The following PIAS1 variants were observed in gnomAD, a reference collection of about 807,000 sequenced individuals.
The protein encoded by PIAS1 is E3 SUMO-protein ligase PIAS1.
Under a neutral mutation model 71.3 loss-of-function variants are expected in PIAS1, and 6 were observed. That is an observed-to-expected ratio of 0.08 (90% CI 0.05 to 0.17). The LOEUF (loss-of-function observed/expected upper bound fraction) is 0.17, where lower values mean the gene tolerates loss of function less well. Among genes scored for constraint, PIAS1 ranks in the 10% least tolerant of loss-of-function variants. The pLI is 1.00. For synonymous variants in PIAS1, 303 were observed against 292.9 expected (o/e 1.03, Z -0.35); for missense variants, 555 against 793.6 (o/e 0.70, Z 3.61).
At chr15:68,098,215 C>G (rs889959775) in intron 2 of PIAS1, among the ~76,000 whole-genome samples, 4 of 152,084 alleles carry the variant, frequency 2.6e-5, no homozygotes. Flanking sequence ...AGAAGCCTTA[C>G]CAATAACATA....
chr15:68,193,162 C>T lies in PIAS1; in HGVS notation c.*5327C>T, dbSNP rs780187972. The T allele has an allele frequency of 2.6e-5, 4 of 152,368 alleles. No individual in the cohort carries two copies. Among genetic ancestry groups the T allele is most frequent in the Non-Finnish European group, 5.9e-5 (4 of 68,174 alleles). The allele number at this position is 152,368 out of a possible 1,614,324, so 9.4% of individuals were successfully genotyped here. On this transcript the variant is annotated 3_prime_UTR_variant, in exon 14 of 14. Transcript: ENST00000249636. ...AGTGTGGGCCACTTGAGCAGACCATCCCGGAACCTCTCTGCCTGTTAACAG... is the reference window on the plus strand; with the variant it reads ...AGTGTGGGCCACTTGAGCAGACCATTCCGGAACCTCTCTGCCTGTTAACAG...
chr15:68,121,410 G>T (rs1235447762), intron 2 of PIAS1, among the ~76,000 whole-genome samples: 3 of 151,672 alleles, frequency 2.0e-5, no homozygotes, highest in Non-Finnish European at 2.9e-5. Flanking sequence ...CTGCTTTGAA[G>T]ATTTTGTTTT....
rs374951169 is a variant in PIAS1, at chr15:68,169,421, G to A, written c.1009-4311G>A. 7.2e-5 allele frequency among the ~76,000 whole-genome samples: 11 copies of A among 152,210 alleles called. No individual in the cohort carries two copies. In the East Asian group the frequency reaches 1.2e-3, roughly 16 times the overall value. On this transcript the variant is annotated intron_variant, in intron 8 of 13. Transcript: ENST00000249636. ...TGGGCATGTCGCTCACGCCTATAATGCCAGCACTTTGGGAGGCCAAGGTGT... is the reference window on the plus strand; with the variant it reads ...TGGGCATGTCGCTCACGCCTATAATACCAGCACTTTGGGAGGCCAAGGTGT...
chr15:68,082,770 A>G (rs2092240544), intron 1 of PIAS1, among the ~76,000 whole-genome samples: 1 of 152,140 alleles, frequency 6.6e-6, no homozygotes, highest in African/African-American at 2.4e-5. Flanking sequence ...TAGACCTACT[A>G]CATAGAATAT....
rs1258591156 is a variant in PIAS1, at chr15:68,193,146, C to A, written c.*5311C>A. On this transcript the variant is annotated 3_prime_UTR_variant, in exon 14 of 14. Coordinates refer to ENST00000249636, the MANE Select transcript of PIAS1 (RefSeq NM_016166.3). The stretch of plus-strand genomic sequence containing the variant: ...GCTTAAGGCAATGACCAGTGTGGGC[C>A]ACTTGAGCAGACCATCCCGGAACCT... 1.3e-5 allele frequency: 2 copies of A among 152,322 alleles called. No homozygotes were observed. Among genetic ancestry groups the A allele is most frequent in the African/African-American group, 2.4e-5 (1 of 41,452 alleles). 9.4% of individuals were successfully genotyped at this position (152,322 alleles called of 1,614,324 possible).
intron 1 of PIAS1, among the ~76,000 whole-genome samples, chr15:68,056,388 G>A (rs1240429526): frequency 2.0e-5 from 3 of 152,132 alleles, no homozygotes; most frequent in African/African-American, 7.2e-5. Context: ...AGTCTTGTTA[G>A]GTAAAGTTTC....
chr15:68,132,987 T>C (rs1420749483), intron 2 of PIAS1, among the ~76,000 whole-genome samples: 1 of 151,850 alleles, frequency 6.6e-6, no homozygotes, highest in East Asian at 1.9e-4. Flanking sequence ...TCTTTTCTTT[T>C]TTTTTTTCCG....
chr15:68,187,877 G>C lies in PIAS1; in HGVS notation c.*42G>C. The C allele has an allele frequency of 1.3e-6, 2 of 1,556,440 alleles. No homozygotes were observed. The highest frequency in any genetic ancestry group is 1.8e-6 in the Non-Finnish European group (2 of 1,137,750). ...CTCCCATCCCCACCCCAGATCGAAT[G>C]AACTTGGCAGAAAGAAGAGAACTTT... On this transcript the variant is annotated 3_prime_UTR_variant, in exon 14 of 14. Coordinates refer to ENST00000249636, the MANE Select transcript of PIAS1 (RefSeq NM_016166.3). The surrounding 1 kb of genome is among the most constrained non-coding windows in gnomAD (Gnocchi z 5.3).
chr15:68,107,710 G>T (rs2092484201), intron 2 of PIAS1, among the ~76,000 whole-genome samples: 1 of 151,584 alleles, frequency 6.6e-6, no homozygotes, highest in Non-Finnish European at 1.5e-5. Context: ...TGTGATGAAA[G>T]ATAAGATGGT....
chr15:68,135,166 G>A (rs1299572731), intron 2 of PIAS1, among the ~76,000 whole-genome samples: 2 of 46,886 alleles, frequency 4.3e-5, no homozygotes, highest in African/African-American at 9.3e-5. Context: ...CCTCCCTCCC[G>A]GACGGGGTGG....
At position 68,173,018 on chromosome 15, in the gene PIAS1, G is replaced by A. The variant is rs1595788645; in HGVS notation, c.1009-714G>A. On this transcript the variant is annotated intron_variant, in intron 8 of 13. Transcript: ENST00000249636. This position sits in a 1 kb window ranked among gnomAD's most constrained non-coding sequence, Gnocchi z 4.3. The stretch of plus-strand genomic sequence containing the variant: ...ACTTGGCAATTATGCCAAACATCAT[G>A]GGGAATGATCACTATTGATTCAGTT... Among the ~76,000 whole-genome samples, 1 of 152,192 alleles carries A rather than the reference G, an allele frequency of 6.6e-6. No homozygotes were observed. The highest frequency in any genetic ancestry group is 6.5e-5 in the Admixed American group (1 of 15,282).
At chr15:68,070,152 G>C (rs951400302) in intron 1 of PIAS1, among the ~76,000 whole-genome samples, 1 of 152,130 alleles carries the variant, frequency 6.6e-6, no homozygotes, top group South Asian at 2.1e-4. Context: ...TGAGATTGAC[G>C]ACTGTGGATG....
At chr15:68,065,520 G>A (rs1352438806) in intron 1 of PIAS1, among the ~76,000 whole-genome samples, 1 of 150,124 alleles carries the variant, frequency 6.7e-6, no homozygotes, top group African/African-American at 2.5e-5. Flanking sequence ...GATCCTGGGA[G>A]ACAGAGGTAG....
Position 68,183,644 on chromosome 15 carries a change from C to G in PIAS1, c.1639C>G (p.Pro547Ala), listed in dbSNP as rs1203901667. ...TTCTTCCACAGGATTAGATTTCTTT[C>G]CTTTCTTATCAGGAGACAATCAGGT... ...PYDLQGLDFF[P>A]FLSGDNQHYN... Residue 547 changes from proline (P) to alanine (A), a missense_variant, in exon 13 of 14, where the codon CCT (proline) becomes GCT (alanine). This residue lies in a region of PIAS1 where 244 missense variants were observed against 307.5 expected (regional missense o/e 0.79). Transcript: ENST00000249636. 2 of 1,125,604 alleles carry G rather than the reference C, an allele frequency of 1.8e-6. No individual in the cohort carries two copies. Among genetic ancestry groups the G allele is most frequent in the Non-Finnish European group, 2.6e-6 (2 of 772,798 alleles). The allele number at this position is 1,125,604 out of a possible 1,614,324, so 69.7% of individuals were successfully genotyped here.
intron 7 of PIAS1, among the ~76,000 whole-genome samples, chr15:68,160,562 A>G (rs947603635): frequency 6.6e-6 from 1 of 152,164 alleles, no homozygotes; most frequent in Admixed American, 6.5e-5. Flanking sequence ...TTTCTTTTTC[A>G]GAATTGTTTT....
chr15:68,090,494 TTATC>T (rs1421866460), intron 2 of PIAS1, among the ~76,000 whole-genome samples: 1 of 150,378 alleles, frequency 6.6e-6, no homozygotes, highest in Admixed American at 6.6e-5. Context: ...TCTGAGGCAT[TTATC>T]TATAAATCCC....
intron 10 of PIAS1, 104 bp downstream of exon 10, chr15:68,175,871 A>T (rs1348385339): frequency 1.5e-6 from 1 of 649,888 alleles, no homozygotes; most frequent in Admixed American, 4.0e-5. Flanking sequence ...CAGTTTGTGG[A>T]TAGCTTAATA....
At chr15:68,147,435 T>G (rs375055122) in intron 6 of PIAS1, among the ~76,000 whole-genome samples, 1 of 152,326 alleles carries the variant, frequency 6.6e-6, no homozygotes, top group East Asian at 1.9e-4. Flanking sequence ...TTATTGATTA[T>G]GAGATCTTCA....
rs1247975045 is a variant in PIAS1 at position 68,167,680 on chromosome 15, G to GA, written c.1008+2883dup. ...GTATTTATGAAATATTTATTATTGT[G>GA]AAAAAAACTTGTGAAATTATTCTTT... On this transcript the variant is annotated intron_variant, in intron 8 of 13. Transcript: ENST00000249636. The surrounding 1 kb of genome is among the most constrained non-coding windows in gnomAD (Gnocchi z 4.4). 1.3e-5 allele frequency among the ~76,000 whole-genome samples: 2 copies of GA among 152,018 alleles called. No homozygotes were observed. The highest frequency in any genetic ancestry group is 2.4e-5 in the African/African-American group (1 of 41,414).
Sources: allele counts gnomAD v4.1 joint callset (sites outside exome capture counted in the v4.1 genomes callset), GRCh38; gene constraint gnomAD v4.1.1; regional missense constraint gnomAD v4.1.1; non-coding constraint Gnocchi (gnomAD v3.1); transcripts MANE v1.5; gene names NCBI Gene and HGNC (gene_info 2026-07-23, HGNC 2026-07-21).